FKBP4: variants seen among roughly 807,000 people sequenced by gnomAD.
The protein encoded by FKBP4 is peptidyl-prolyl cis-trans isomerase FKBP4.
FKBP4 carries 28 observed loss-of-function variants against 54.1 expected under a neutral mutation model. That is an observed-to-expected ratio of 0.52 (90% CI 0.38 to 0.71). FKBP4 has a LOEUF of 0.71. Ranked by LOEUF, FKBP4 falls within the 30% of genes least tolerant of loss-of-function variation. The pLI is 0.00. For synonymous variants in FKBP4, 223 were observed against 216.1 expected, an observed-to-expected ratio of 1.03 and a Z score of -0.28; for missense variants, 493 against 574.4, an observed-to-expected ratio of 0.86 and a Z score of 1.45.
intron 1 of FKBP4, chr12:2,796,144 T>A (rs1027142459): frequency 4.0e-6 from 5 of 1,252,116 alleles, no homozygotes; most frequent in Non-Finnish European, 4.1e-6. Context: ...CTGCGTCTTA[T>A]GCCTTCTCCC....
At chr12:2,803,112 T>A (rs1355894100) in intron 9 of FKBP4, 39 bp from the exon 10 acceptor site, 1 of 1,419,810 alleles carries the variant, frequency 7.0e-7, no homozygotes, top group Non-Finnish European at 9.8e-7. Flanking sequence ...GTTTTTTCAC[T>A]TGGGAAGTCA....
Position 2,797,735 on chromosome 12 carries a change from T to G in FKBP4, c.257T>G (p.Val86Gly), listed in dbSNP as rs762125645. ...TTTGCTTCTGTACCTGCAGGGGAGG[T>G]CATCAAGGCTTGGGACATTGCCATA... is the stretch of plus-strand genomic sequence containing the variant. ...KFSFDLGKGEVIKAWDIAIAT... is the reference protein window; with the variant it reads ...KFSFDLGKGEGIKAWDIAIAT... The change falls in exon 3 of 10, where the codon GTC (valine) becomes GGC (glycine). Residue 86 changes from valine (V) to glycine (G), a missense_variant. Coordinates refer to ENST00000001008, the MANE Select transcript of FKBP4 (RefSeq NM_002014.4). 1 of 1,611,574 alleles carries G rather than the reference T, an allele frequency of 6.2e-7. No individual in the cohort carries two copies. Among genetic ancestry groups the G allele is most frequent in the Non-Finnish European group, 8.5e-7 (1 of 1,178,382 alleles).
Position 2,795,915 on chromosome 12 carries a change from G to A in FKBP4, c.105+671G>A. ...GGGGAGGCCGGGCGCGGGGCATGCC[G>A]GGAGCTGTAGTCCCCTCCCCCCTCC... On this transcript the variant is annotated intron_variant, in intron 1 of 9. Coordinates refer to ENST00000001008, the MANE Select transcript of FKBP4 (RefSeq NM_002014.4). This position sits in a 1 kb window ranked among gnomAD's most constrained non-coding sequence, Gnocchi z 4.3. 2.0e-6 allele frequency: 2 copies of A among 988,914 alleles called. No homozygotes were observed. The highest frequency in any genetic ancestry group is 2.4e-6 in the Non-Finnish European group (2 of 830,804). The allele number at this position is 988,914 out of a possible 1,614,324, so 61.3% of individuals were successfully genotyped here.
At chr12:2,796,609 C>T in intron 1 of FKBP4, 4 of 1,165,420 alleles carry the variant, frequency 3.4e-6, no homozygotes, top group Non-Finnish European at 4.3e-6. Context: ...TCACCTATAA[C>T]CTGGTTTCTT....
In FKBP4 at chr12:2,798,070, G is replaced by A. The variant is rs552134750; in HGVS notation, c.393+199G>A. On this transcript the variant is annotated intron_variant, in intron 3 of 9. Transcript: ENST00000001008. This position sits in a 1 kb window ranked among gnomAD's most constrained non-coding sequence, Gnocchi z 4.3. ...AGAAGCTTCGGGTGGGAAGAGGCAG[G>A]CACAAGCCCCTCTCCAGACTCAAAG... Among the ~76,000 whole-genome samples the A allele has an allele frequency of 5.3e-5, 8 of 152,324 alleles. 1 individual carries two copies. The South Asian group carries it at 1.7e-3, about 32-fold the overall frequency.
rs2097906700 is a variant in FKBP4 at position 2,804,919 on chromosome 12, A to T, written c.*1661A>T. The T allele has an allele frequency of 2.3e-5, 5 of 218,666 alleles. No homozygotes were observed. Among genetic ancestry groups the T allele is most frequent in the Non-Finnish European group, 4.7e-5 (5 of 107,042 alleles). 13.5% of individuals were successfully genotyped at this position (218,666 alleles called of 1,614,324 possible). On this transcript the variant is annotated 3_prime_UTR_variant, in exon 10 of 10. Transcript: ENST00000001008. Reference sequence around the variant, plus strand: ...AAGAGAGTGAGACCATCTCTTTTTTAAAAAAGTCCCTGTGTAACTGCTTTC... The same window carrying T: ...AAGAGAGTGAGACCATCTCTTTTTTTAAAAAGTCCCTGTGTAACTGCTTTC...
chr12:2,797,089 C>T (rs2097902263), intron 1 of FKBP4, 49 bp from the exon 2 acceptor site: 2 of 1,607,800 alleles, frequency 1.2e-6, no homozygotes, highest in Non-Finnish European at 1.7e-6. Context: ...GCTGGTGCCC[C>T]TTTCTGCCCC....
chr12:2,803,372 A>C lies in FKBP4; in HGVS notation c.*114A>C. 1 of 717,756 alleles carries C rather than the reference A, an allele frequency of 1.4e-6. No individual in the cohort carries two copies. The highest frequency in any genetic ancestry group is 2.3e-6 in the Non-Finnish European group (1 of 426,890). The allele number at this position is 717,756 out of a possible 1,614,324, so 44.5% of individuals were successfully genotyped here. ...GAGTGAATTAGACCTTTATTTTTCT[A>C]TCTGGTTGGATGGTGGCTTTAGGGG... On this transcript the variant is annotated 3_prime_UTR_variant, in exon 10 of 10. Transcript: ENST00000001008.
chr12:2,805,315 A>G lies in FKBP4; in HGVS notation c.*2057A>G. On this transcript the variant is annotated 3_prime_UTR_variant, in exon 10 of 10. Coordinates refer to ENST00000001008, the MANE Select transcript of FKBP4 (RefSeq NM_002014.4). The stretch of plus-strand genomic sequence containing the variant: ...TTCCTGAGGTTTCTTCCAGCTCTGC[A>G]TCCTGTAGGATTCCAAGAATGTAAA... 1 of 376,160 alleles carries G rather than the reference A, an allele frequency of 2.7e-6. No homozygotes were observed. Among genetic ancestry groups the G allele is most frequent in the South Asian group, 2.0e-5 (1 of 50,528 alleles). 23.3% of individuals were successfully genotyped at this position (376,160 alleles called of 1,614,324 possible).
At position 2,805,309 on chromosome 12, in the gene FKBP4, C is replaced by T. The variant is rs145419832; in HGVS notation, c.*2051C>T. The T allele has an allele frequency of 1.5e-5, 6 of 392,490 alleles. No homozygotes were observed. Among genetic ancestry groups the T allele is most frequent in the African/African-American group, 1.3e-4 (6 of 47,396 alleles). 24.3% of individuals were successfully genotyped at this position (392,490 alleles called of 1,614,324 possible). ...AAAGCATTCCTGAGGTTTCTTCCAGCTCTGCATCCTGTAGGATTCCAAGAA... is the reference window on the plus strand; with the variant it reads ...AAAGCATTCCTGAGGTTTCTTCCAGTTCTGCATCCTGTAGGATTCCAAGAA... On this transcript the variant is annotated 3_prime_UTR_variant, in exon 10 of 10. Coordinates refer to ENST00000001008, the MANE Select transcript of FKBP4 (RefSeq NM_002014.4).
At position 2,801,254 on chromosome 12, in the gene FKBP4, G is replaced by A. The variant is rs367800795; in HGVS notation, c.1170G>A (p.Lys390=). The part of the protein sequence containing the change: ...LQLYPNNKAA[K]TQLAVCQQRI... ...TCTACCCCAACAACAAAGCCGCCAA[G>A]ACCCAGCTGGCTGTGTGCCAGCAGC... The change falls in exon 9 of 10, where the codon AAG becomes AAA. Residue 390 remains lysine, a synonymous_variant. Coordinates refer to ENST00000001008, the MANE Select transcript of FKBP4 (RefSeq NM_002014.4). 116 of 1,613,588 alleles carry A rather than the reference G, an allele frequency of 7.2e-5. No homozygotes were observed. The highest frequency in any genetic ancestry group is 2.8e-5 in the Non-Finnish European group (33 of 1,180,060).
intron 5 of FKBP4, 105 bp downstream of exon 5, chr12:2,799,349 C>A: frequency 8.3e-7 from 1 of 1,198,826 alleles, no homozygotes; most frequent in Non-Finnish European, 1.1e-6. Flanking sequence ...ACTCTGGCCA[C>A]ACCAAACATA....
intron 5 of FKBP4, 118 bp from the exon 6 acceptor site, chr12:2,799,732 T>G: frequency 1.2e-6 from 1 of 859,488 alleles, no homozygotes; most frequent in Non-Finnish European, 1.9e-6. Flanking sequence ...TTGCCAAACA[T>G]TTGAACCAAG....
chr12:2,802,028 A>G (rs2097905091), intron 9 of FKBP4, among the ~76,000 whole-genome samples: 1 of 151,520 alleles, frequency 6.6e-6, no homozygotes, highest in Non-Finnish European at 1.5e-5. Flanking sequence ...CTTATTTTAC[A>G]TCCGTATTTA....
chr12:2,796,161 C>T, intron 1 of FKBP4: 3 of 1,271,796 alleles, frequency 2.4e-6, no homozygotes, highest in South Asian at 1.3e-5. Context: ...TCCCCATCCG[C>T]TGCTGCGTCC....
In FKBP4 at chr12:2,798,942, T is replaced by G; in HGVS notation, c.514+116T>G. ...TCTTCTTGTCCATAAAATGAGGGGT[T>G]GGACCATATTCTCTTCATATCACTC... On this transcript the variant is annotated intron_variant, in intron 4 of 9. Transcript: ENST00000001008. The surrounding 1 kb of genome is among the most constrained non-coding windows in gnomAD (Gnocchi z 4.3). 1 of 1,418,766 alleles carries G rather than the reference T, an allele frequency of 7.0e-7. No individual in the cohort carries two copies. The highest frequency in any genetic ancestry group is 1.4e-5 in the African/African-American group (1 of 70,924). 87.9% of individuals were successfully genotyped at this position (1,418,766 alleles called of 1,614,324 possible).
At chr12:2,800,252 T>TG in intron 7 of FKBP4, 130 bp downstream of exon 7, 4 of 1,347,668 alleles carry the variant, frequency 3.0e-6, no homozygotes, top group Middle Eastern at 1.9e-4. Context: ...TCACTTCATA[T>TG]ATGTGAGCTT....
chr12:2,801,951 A>AG (rs201150255), intron 9 of FKBP4: 1 of 140,188 alleles, frequency 7.1e-6, no homozygotes, highest in African/African-American at 3.7e-5. Context: ...TTCCCCTAAC[A>AG]CAGGCAACGT....
chr12:2,800,184 C>T (rs2097903961), intron 7 of FKBP4, 62 bp downstream of exon 7: 1 of 1,551,248 alleles, frequency 6.4e-7, no homozygotes. Flanking sequence ...GCCTCCCCTT[C>T]CCTTGGTGAC....
Sources: gnomAD v4.1 joint callset for allele counts (sites outside exome capture counted in the v4.1 genomes callset) on GRCh38, gnomAD v4.1.1 for gene constraint, Gnocchi (gnomAD v3.1) non-coding constraint, MANE v1.5 for transcripts, NCBI Gene and HGNC (gene_info 2026-07-23, HGNC 2026-07-21) for gene names.